The following CRYBG1 variants were observed in gnomAD, a reference collection of about 807,000 sequenced individuals.
The protein encoded by CRYBG1 is crystallin beta-gamma domain containing 1.
Under a neutral mutation model 189.2 loss-of-function variants are expected in CRYBG1, and 139 were observed. The observed-to-expected ratio is 0.73, with a 90% CI of 0.64 to 0.85. CRYBG1 has a LOEUF of 0.85. Among genes scored for constraint, CRYBG1 ranks in the 40% least tolerant of loss-of-function variants. The pLI is 0.00. For synonymous variants in CRYBG1, 1,023 were observed against 1,017.1 expected (o/e 1.01, Z -0.11); for missense variants, 2,611 against 2,675.8 (o/e 0.98, Z 0.53).
chr6:106,541,172 C>T (rs552870535), intron 9 of CRYBG1: 10 of 466,478 alleles, frequency 2.1e-5, no homozygotes, highest in South Asian at 1.1e-4. Flanking sequence ...ACGGCAACCC[C>T]GGGCCTGTGC....
intron 1 of CRYBG1, among the ~76,000 whole-genome samples, chr6:106,412,269 ATAC>A (rs1379413581): frequency 6.6e-6 from 1 of 152,236 alleles, no homozygotes; most frequent in Non-Finnish European, 1.5e-5. Context: ...TTTGTTCCCA[ATAC>A]TACATCAGGC....
chr6:106,565,489 G>C (rs1057302047), intron 21 of CRYBG1, among the ~76,000 whole-genome samples: 5 of 152,142 alleles, frequency 3.3e-5, no homozygotes, highest in Admixed American at 6.5e-5. Context: ...AGGTAGCTTG[G>C]CCAACCCACT....
intron 2 of CRYBG1, among the ~76,000 whole-genome samples, chr6:106,498,145 G>A (rs1019702210): frequency 4.0e-5 from 6 of 148,922 alleles, no homozygotes; most frequent in Admixed American, 1.3e-4. Context: ...CACAAAAGAG[G>A]AAAAACTGAA....
At position 106,512,447 on chromosome 6, in the gene CRYBG1, G is replaced by A. The variant is rs562698502; in HGVS notation, c.1330G>A (p.Asp444Asn). 3 of 1,610,646 alleles carry A rather than the reference G, an allele frequency of 1.9e-6. No homozygotes were observed. The highest frequency in any genetic ancestry group is 1.3e-5 in the African/African-American group (1 of 75,032). The change falls in exon 3 of 22, where the codon GAC becomes AAC. Residue 444 changes from aspartate to asparagine, a missense_variant. Transcript: ENST00000633556. ...CGAGCTCCCTGAGAGCGCTGCCAGG[G>A]ACGACGCGGTGTTCGACGACGAGGT... The part of the protein sequence containing the change: ...DAELPESAAR[D>N]DAVFDDEVAP...
At chr6:106,474,992 A>G (rs1772307507) in intron 2 of CRYBG1, among the ~76,000 whole-genome samples, 1 of 152,190 alleles carries the variant, frequency 6.6e-6, no homozygotes, top group Non-Finnish European at 1.5e-5. Context: ...AACAAAAAAG[A>G]TTGGACTCAC....
chr6:106,400,369 C>T (rs529649230), intron 1 of CRYBG1, among the ~76,000 whole-genome samples: 7 of 152,266 alleles, frequency 4.6e-5, no homozygotes, highest in African/African-American at 1.4e-4. Flanking sequence ...TGAGACAATG[C>T]CCTTTTTTCT....
In CRYBG1 at chr6:106,555,860, C is replaced by T. The variant is rs1376267314; in HGVS notation, c.5678C>T (p.Pro1893Leu). 1.2e-6 allele frequency: 2 copies of T among 1,614,044 alleles called. No homozygotes were observed. The highest frequency in any genetic ancestry group is 1.7e-6 in the Non-Finnish European group (2 of 1,180,020). ...TGTCTGTCTGCAATGGGATGCCCGC[C>T]TGGAGCAACTTTCAAGTCTCTTCGT... ...YPCLSAMGCP[P>L]GATFKSLRFI... The change falls in exon 17 of 22, where the codon CCT (proline) becomes CTT (leucine). Residue 1893 changes from proline (P) to leucine (L), a missense_variant. Around this residue, in one of 3 missense-constraint regions of CRYBG1, gnomAD observed 1,622 missense variants for 1,735.0 expected, o/e 0.93. Coordinates refer to ENST00000633556, the MANE Select transcript of CRYBG1 (RefSeq NM_001371242.2).
intron 8 of CRYBG1, among the ~76,000 whole-genome samples, chr6:106,532,478 T>G (rs752918045): frequency 6.6e-6 from 1 of 152,220 alleles, no homozygotes; most frequent in African/African-American, 2.4e-5. Context: ...TTGAGGAGCC[T>G]CTATACTGTT....
chr6:106,510,979 C>T (rs977865618), intron 2 of CRYBG1, among the ~76,000 whole-genome samples: 1 of 152,174 alleles, frequency 6.6e-6, no homozygotes, highest in Non-Finnish European at 1.5e-5. Context: ...GTCCTCCTTC[C>T]CTCCTACAAA....
At chr6:106,439,832 T>C (rs1771535596) in intron 1 of CRYBG1, among the ~76,000 whole-genome samples, 1 of 152,140 alleles carries the variant, frequency 6.6e-6, no homozygotes, top group African/African-American at 2.4e-5. Context: ...TATGATTAAA[T>C]TGAGAAACTG....
chr6:106,405,053 A>C (rs1407859882), intron 1 of CRYBG1, among the ~76,000 whole-genome samples: 2 of 152,000 alleles, frequency 1.3e-5, no homozygotes, highest in African/African-American at 4.8e-5. Flanking sequence ...TCCCCTGGAA[A>C]GGGGACTGAA....
At chr6:106,541,385 T>C in intron 9 of CRYBG1, 3 of 676,496 alleles carry the variant, frequency 4.4e-6, no homozygotes, top group Non-Finnish European at 8.2e-6. Flanking sequence ...ATAGACTGCT[T>C]GTGCGAGGCT....
intron 21 of CRYBG1, among the ~76,000 whole-genome samples, chr6:106,568,096 C>T (rs1424660201): frequency 1.6e-4 from 17 of 107,816 alleles, no homozygotes; most frequent in Non-Finnish European, 5.5e-5. Context: ...CATCTCACCA[C>T]CAAATATATG....
At chr6:106,478,710 T>C (rs1158430191) in intron 2 of CRYBG1, among the ~76,000 whole-genome samples, 1 of 152,232 alleles carries the variant, frequency 6.6e-6, no homozygotes, top group Non-Finnish European at 1.5e-5. Flanking sequence ...AGGTGAGCGA[T>C]GGGCATGCAA....
chr6:106,512,330 G>A lies in CRYBG1; in HGVS notation c.1213G>A (p.Asp405Asn), dbSNP rs2114524414. ...VITPRAEDCG[D>N]WDDMEKRSSG... is the part of the protein sequence containing the mutation. Reference sequence around the variant, plus strand: ...TACTCCCAGAGCGGAAGATTGCGGTGACTGGGACGACATGGAGAAGAGGTC... The same window carrying A: ...TACTCCCAGAGCGGAAGATTGCGGTAACTGGGACGACATGGAGAAGAGGTC... Residue 405 changes from aspartate (D) to asparagine (N), a missense_variant, in exon 3 of 22, where the codon GAC becomes AAC. Physicochemically the swap from Asp to Asn is conservative, Grantham distance 23 (BLOSUM62 1). This residue lies in a region of CRYBG1 where 985 missense variants were observed against 924.4 expected (regional missense o/e 1.07). Transcript: ENST00000633556. 1 of 1,609,382 alleles carries A rather than the reference G, an allele frequency of 6.2e-7. No homozygotes were observed. The highest frequency in any genetic ancestry group is 8.5e-7 in the Non-Finnish European group (1 of 1,178,830).
At chr6:106,465,870 C>T (rs1051288093) in intron 2 of CRYBG1, among the ~76,000 whole-genome samples, 1 of 152,282 alleles carries the variant, frequency 6.6e-6, no homozygotes, top group Admixed American at 6.5e-5. Flanking sequence ...GAGCAAGTTG[C>T]CCATCCCTAT....
chr6:106,396,789 C>A (rs113574529), intron 1 of CRYBG1, among the ~76,000 whole-genome samples: 3,071 of 152,330 alleles, frequency 0.02, 111 homozygotes, highest in African/African-American at 0.07. Flanking sequence ...TCAAGCAATT[C>A]TCCTGCCTCA....
chr6:106,364,356 C>T (rs560321133), intron 1 of CRYBG1, among the ~76,000 whole-genome samples: 2 of 151,838 alleles, frequency 1.3e-5, no homozygotes, highest in African/African-American at 4.8e-5. Flanking sequence ...GAAAGAAAAG[C>T]TTGCCAGTCC....
At chr6:106,413,642 A>G (rs1463770911) in intron 1 of CRYBG1, among the ~76,000 whole-genome samples, 2 of 151,722 alleles carry the variant, frequency 1.3e-5, no homozygotes, top group African/African-American at 4.8e-5. Context: ...GCACCATTGC[A>G]CTCTAGCCTG....
Sources: allele counts gnomAD v4.1 joint callset (sites outside exome capture counted in the v4.1 genomes callset), GRCh38; gene constraint gnomAD v4.1.1; regional missense constraint gnomAD v4.1.1; transcripts MANE v1.5; gene names NCBI Gene and HGNC (gene_info 2026-07-23, HGNC 2026-07-21).